Variants in SLCO1B3 observed in about 807,000 individuals in gnomAD.
SLCO1B3 encodes the protein solute carrier organic anion transporter family member 1B3, also known as liver-specific organic anion transporter 2.
In SLCO1B3, 72 loss-of-function variants were observed where a neutral mutation model predicts 71.8. The ratio of observed to expected loss-of-function variants is 1.00; its 90% CI spans 0.83 to 1.22. The LOEUF is 1.22. Among genes scored for constraint, SLCO1B3 ranks in the 50% most tolerant of loss-of-function variants. The pLI, the probability that SLCO1B3 is intolerant of heterozygous loss-of-function variation, is 0.00. For synonymous variants in SLCO1B3, 298 were observed against 278.4 expected (o/e 1.07, Z -0.70); for missense variants, 911 against 819.7 (o/e 1.11, Z -1.36).
At chr12:20,881,694 C>G (rs1267014026) in intron 12 of SLCO1B3, among the ~76,000 whole-genome samples, 2 of 151,768 alleles carry the variant, frequency 1.3e-5, no homozygotes, top group African/African-American at 4.8e-5. Context: ...TTCCATGTGA[C>G]ACATATCCTG....
At chr12:20,841,770 G>A (rs566651093) in intron 3 of SLCO1B3, among the ~76,000 whole-genome samples, 1 of 151,934 alleles carries the variant, frequency 6.6e-6, no homozygotes, top group South Asian at 2.1e-4. Context: ...TTGTTCACCT[G>A]TTTGTGTCCA....
intron 13 of SLCO1B3, among the ~76,000 whole-genome samples, chr12:20,897,860 AGT>A (rs1239029732): frequency 6.6e-6 from 1 of 152,198 alleles, no homozygotes; most frequent in Non-Finnish European, 1.5e-5. Context: ...GAAATGTAAG[AGT>A]GAGTGAATTT....
rs1864181929 is a variant in SLCO1B3, at chr12:20,815,798, A to G, written c.60A>G (p.Lys20=). ...TAESASSEKK[K]TRRCNGFKMF... is the part of the protein sequence containing the mutation. The stretch of plus-strand genomic sequence containing the variant: ...AGTCAGCATCTTCAGAGAAAAAGAA[A>G]ACAAGACGCTGCAATGGATTCAAGG... Residue 20 remains lysine (K), a synonymous_variant, in exon 3 of 16, where the codon AAA becomes AAG. Coordinates refer to ENST00000381545, the MANE Select transcript of SLCO1B3 (RefSeq NM_019844.4). 6.3e-7 allele frequency: 1 copy of G among 1,597,546 alleles called. No individual in the cohort carries two copies. Among genetic ancestry groups the G allele is most frequent in the Admixed American group, 1.7e-5 (1 of 58,890 alleles).
intron 13 of SLCO1B3, among the ~76,000 whole-genome samples, chr12:20,883,983 G>C (rs1459186643): frequency 6.6e-6 from 1 of 152,112 alleles, no homozygotes; most frequent in East Asian, 1.9e-4. Flanking sequence ...AAAACATTTA[G>C]CAACCAGGTA....
chr12:20,822,227 T>C (rs905463705), intron 3 of SLCO1B3, among the ~76,000 whole-genome samples: 2 of 152,192 alleles, frequency 1.3e-5, no homozygotes, highest in African/African-American at 4.8e-5. Context: ...ACAGGCTTTG[T>C]GTGAGCAATA....
intron 3 of SLCO1B3, among the ~76,000 whole-genome samples, chr12:20,835,951 G>T (rs920023377): frequency 2.6e-5 from 4 of 152,158 alleles, no homozygotes; most frequent in Non-Finnish European, 5.9e-5. Flanking sequence ...TAAAGAAAAA[G>T]AAGTTTAATG....
intron 15 of SLCO1B3, among the ~76,000 whole-genome samples, chr12:20,903,102 C>T (rs1454359605): frequency 2.0e-5 from 3 of 148,432 alleles, no homozygotes; most frequent in South Asian, 2.1e-4. Flanking sequence ...ATGCAAACAT[C>T]AAATGCTAGC....
intron 3 of SLCO1B3, among the ~76,000 whole-genome samples, chr12:20,834,255 C>G (rs1443282626): frequency 7.1e-6 from 1 of 141,456 alleles, no homozygotes; most frequent in Non-Finnish European, 1.5e-5. Flanking sequence ...ATATATATAA[C>G]CTGTATACAT....
intron 3 of SLCO1B3, chr12:20,845,202 A>G: frequency 2.1e-6 from 1 of 469,842 alleles, no homozygotes; most frequent in Admixed American, 2.2e-5. Flanking sequence ...GGAGAAGCAG[A>G]TCTACACATA....
At chr12:20,815,853 ATAAGT>A (rs1864183612) in intron 3 of SLCO1B3, 31 bp downstream of exon 3, 10 of 1,436,152 alleles carry the variant, frequency 7.0e-6, no homozygotes, top group Admixed American at 2.1e-5. Context: ...TCAAACTAAA[ATAAGT>A]TAATGGAAAA....
chr12:20,889,142 T>C (rs1223244584), intron 13 of SLCO1B3, among the ~76,000 whole-genome samples: 1 of 151,256 alleles, frequency 6.6e-6, no homozygotes, highest in Non-Finnish European at 1.5e-5. Flanking sequence ...ATCAGGGATA[T>C]TAATGTGTAG....
intron 5 of SLCO1B3, 97 bp from the exon 6 acceptor site, chr12:20,860,920 G>A (rs559523840): frequency 1.7e-5 from 20 of 1,197,404 alleles, no homozygotes; most frequent in South Asian, 8.6e-5. Flanking sequence ...GGAGAAGACA[G>A]CGGTTCAAAT....
chr12:20,841,052 G>A (rs1186946167), intron 3 of SLCO1B3, among the ~76,000 whole-genome samples: 2 of 152,224 alleles, frequency 1.3e-5, no homozygotes, highest in African/African-American at 4.8e-5. Context: ...TGTCCAACCT[G>A]AGGCTCTAGC....
At chr12:20,915,734 G>A (rs567497019) in intron 15 of SLCO1B3, among the ~76,000 whole-genome samples, 1 of 152,214 alleles carries the variant, frequency 6.6e-6, no homozygotes, top group South Asian at 2.1e-4. Context: ...GAATGAGATG[G>A]CTTGAGGGGG....
chr12:20,879,297 C>T lies in SLCO1B3; in HGVS notation c.1136-139C>T, dbSNP rs573901244. On this transcript the variant is annotated intron_variant, in intron 10 of 15. Transcript: ENST00000381545. ...GATCTCGGCTCACTGCAAGCTCCGC[C>T]TCCCAGGTTCTCCACCCTTCTCTTA... 4.1e-5 allele frequency: 22 copies of T among 540,466 alleles called. No individual in the cohort carries two copies. In the East Asian group the frequency reaches 6.7e-4, roughly 17 times the overall value. The allele number at this position is 540,466 out of a possible 1,614,324, so 33.5% of individuals were successfully genotyped here. A position where few individuals can be genotyped will look rare whatever the true frequency, so the allele number is the denominator to read the frequency against.
chr12:20,849,405 A>G (rs997792846), intron 3 of SLCO1B3, among the ~76,000 whole-genome samples: 4 of 152,064 alleles, frequency 2.6e-5, no homozygotes, highest in Non-Finnish European at 5.9e-5. Context: ...ACCTCTCTCA[A>G]CATGATAAGG....
At chr12:20,900,715 A>G (rs968638167) in intron 14 of SLCO1B3, among the ~76,000 whole-genome samples, 3 of 152,174 alleles carry the variant, frequency 2.0e-5, no homozygotes, top group African/African-American at 7.2e-5. Flanking sequence ...ATCAATGGAG[A>G]GAAAATGCTG....
chr12:20,817,633 G>A (rs1404522723), intron 3 of SLCO1B3, among the ~76,000 whole-genome samples: 1 of 152,038 alleles, frequency 6.6e-6, no homozygotes, highest in Non-Finnish European at 1.5e-5. Flanking sequence ...TGTCACCCAG[G>A]CTGGAGTGCA....
At chr12:20,814,081 A>G (rs1298630748) in intron 2 of SLCO1B3, among the ~76,000 whole-genome samples, 2 of 152,176 alleles carry the variant, frequency 1.3e-5, no homozygotes, top group East Asian at 1.9e-4. Context: ...TATATATGCT[A>G]TATACATAAC....
Sources: gnomAD v4.1 joint callset for allele counts (sites outside exome capture counted in the v4.1 genomes callset) on GRCh38, gnomAD v4.1.1 for gene constraint, MANE v1.5 for transcripts, NCBI Gene and HGNC (gene_info 2026-07-23, HGNC 2026-07-21) for gene names.